The following MACF1 variants were observed in gnomAD, a reference collection of about 807,000 sequenced individuals.
MACF1 encodes microtubule actin crosslinking factor 1.
MACF1 carries 193 observed loss-of-function variants against 854.8 expected under a neutral mutation model. The observed-to-expected ratio is 0.23, with a 90% confidence interval of 0.20 to 0.25. MACF1 has a LOEUF of 0.25. Ranked by LOEUF, MACF1 falls within the 10% of genes least tolerant of loss-of-function variation. The probability of loss-of-function intolerance (pLI) is 1.00; values close to 1 mark genes in which losing one functional copy is unlikely to be tolerated. For missense variants in MACF1, 7,722 were observed against 8,929.1 expected (o/e 0.86, Z 5.45); for synonymous variants, 3,185 against 3,226.7 (o/e 0.99, Z 0.44).
At chr1:39,391,655 C>A (rs767106681) in intron 58 of MACF1, among the ~76,000 whole-genome samples, 9 of 152,176 alleles carry the variant, frequency 5.9e-5, no homozygotes, top group East Asian at 1.9e-4. Context: ...GATTTGAGGA[C>A]AAGTCATCTT....
intron 2 of MACF1, among the ~76,000 whole-genome samples, chr1:39,093,787 G>T (rs1302586442): frequency 7.0e-6 from 1 of 142,332 alleles, no homozygotes; most frequent in Non-Finnish European, 1.5e-5. Context: ...CCCGGCCAAG[G>T]GATTCTTTTC....
chr1:39,452,396 G>C (rs773845811), intron 86 of MACF1, 46 bp downstream of exon 86: 12 of 1,542,260 alleles, frequency 7.8e-6, no homozygotes, highest in Non-Finnish European at 1.1e-5. Flanking sequence ...ATCTGAGTGG[G>C]TTTATTTGGT....
intron 44 of MACF1, 78 bp downstream of exon 44, chr1:39,353,309 C>G (rs1647258725): frequency 9.0e-7 from 1 of 1,106,484 alleles, no homozygotes; most frequent in African/African-American, 1.6e-5. Context: ...CACCTTGCCC[C>G]TAAATCCAGT....
At chr1:39,137,968 G>A (rs1033439015) in intron 2 of MACF1, among the ~76,000 whole-genome samples, 5 of 151,624 alleles carry the variant, frequency 3.3e-5, no homozygotes, top group African/African-American at 1.2e-4. Flanking sequence ...CAGCTACTAG[G>A]GAGGCTGAGG....
At chr1:39,236,609 A>G (rs1274295922) in intron 2 of MACF1, among the ~76,000 whole-genome samples, 4 of 152,202 alleles carry the variant, frequency 2.6e-5, no homozygotes, top group African/African-American at 9.6e-5. Flanking sequence ...TATTGTTTAT[A>G]GTGTTAGGAC....
chr1:39,459,903 CT>C (rs1644520144), intron 91 of MACF1: 7 of 1,165,344 alleles, frequency 6.0e-6, no homozygotes, highest in Middle Eastern at 2.3e-4. Flanking sequence ...GTTCTTGGTG[CT>C]TTTTTCCCCC....
rs1331285017 is a variant in MACF1 at position 39,477,075 on chromosome 1, A to ACACACACACATATATACACTTAGTG, written c.21959-2723_21959-2722insCACACACACATATATACACTTAGTG. On this transcript the variant is annotated intron_variant, in intron 97 of 100. Coordinates refer to ENST00000564288, the MANE Select transcript of MACF1 (RefSeq NM_001394062.1). The stretch of plus-strand genomic sequence containing the variant: ...TATATATATATATATATATATATAT[A>ACACACACACATATATACACTTAGTG]TATATATATATATATACACACACAC... Among the ~76,000 whole-genome samples the ACACACACACATATATACACTTAGTG allele has an allele frequency of 1.2e-3, 59 of 51,304 alleles. 1 individual carries two copies. The highest frequency in any genetic ancestry group is 1.4e-3 in the African/African-American group (13 of 9,014). 33.7% of individuals were successfully genotyped at this position (51,304 alleles called of 152,430 possible). A position where few individuals can be genotyped will look rare whatever the true frequency, so the allele number is the denominator to read the frequency against.
chr1:39,174,441 T>C (rs1643998072), intron 2 of MACF1, among the ~76,000 whole-genome samples: 1 of 152,224 alleles, frequency 6.6e-6, no homozygotes, highest in Non-Finnish European at 1.5e-5. Flanking sequence ...TTTTTTCGAT[T>C]AGTAATTCCA....
rs1642196519 is a variant in MACF1, at chr1:39,105,243, C to A, written c.220+20805C>A. Among the ~76,000 whole-genome samples, 1 of 150,908 alleles carries A rather than the reference C, an allele frequency of 6.6e-6. No individual in the cohort carries two copies. Among genetic ancestry groups the A allele is most frequent in the Admixed American group, 6.6e-5 (1 of 15,164 alleles). On this transcript the variant is annotated intron_variant, in intron 2 of 93. Transcript: ENST00000361689. This position sits in a 1 kb window ranked among gnomAD's most constrained non-coding sequence, Gnocchi z 5.9. ...GGGCCCAGCCGGCCGCAGCCTGGGGCCGAGGACTCGCCGGGACCCGGAGGC... is the reference window on the plus strand; with the variant it reads ...GGGCCCAGCCGGCCGCAGCCTGGGGACGAGGACTCGCCGGGACCCGGAGGC...
Position 39,381,903 on chromosome 1 carries a change from C to T in MACF1, c.13649-50C>T, listed in dbSNP as rs567587859. 25 of 1,309,254 alleles carry T rather than the reference C, an allele frequency of 1.9e-5. No individual in the cohort carries two copies. The South Asian group carries it at 2.4e-4, about 12-fold the overall frequency. The allele number at this position is 1,309,254 out of a possible 1,614,324, so 81.1% of individuals were successfully genotyped here. ...TTAGGAACATAACTTAGGTACCAGG[C>T]CAGTTGTTGATAATGTAAAGGAATA... is the stretch of plus-strand genomic sequence containing the variant. On this transcript the variant is annotated intron_variant, in intron 55 of 100. Transcript: ENST00000564288.
At chr1:39,376,284 T>A (rs1164160174) in intron 52 of MACF1, among the ~76,000 whole-genome samples, 1 of 152,156 alleles carries the variant, frequency 6.6e-6, no homozygotes, top group Non-Finnish European at 1.5e-5. Flanking sequence ...TTAAACACAA[T>A]CCCTAAAGCA....
At chr1:39,163,474 G>T (rs1476021028) in intron 2 of MACF1, among the ~76,000 whole-genome samples, 1 of 151,978 alleles carries the variant, frequency 6.6e-6, no homozygotes, top group Non-Finnish European at 1.5e-5. Flanking sequence ...GAATGAAAAT[G>T]CACTACTATT....
chr1:39,360,012 A>AAAATATATAT (rs1557608845), intron 47 of MACF1, among the ~76,000 whole-genome samples: 4 of 28,828 alleles, frequency 1.4e-4, no homozygotes, highest in Non-Finnish European at 2.5e-4. Context: ...AAAAAAAAAA[A>AAAATATATAT]ATATATATAT....
intron 2 of MACF1, among the ~76,000 whole-genome samples, chr1:39,177,570 T>C (rs1644047139): frequency 6.6e-6 from 1 of 152,118 alleles, no homozygotes; most frequent in South Asian, 2.1e-4. Context: ...CATTCGTAAA[T>C]GTTATTGCTA....
intron 31 of MACF1, among the ~76,000 whole-genome samples, chr1:39,320,802 TA>T (rs34400774): frequency 3.6e-4 from 53 of 148,676 alleles, no homozygotes; most frequent in South Asian, 1.3e-3. Flanking sequence ...ATCCCATCTG[TA>T]AAAAAAAAAA....
intron 70 of MACF1, 56 bp downstream of exon 70, chr1:39,435,817 G>A (rs1359237115): frequency 6.6e-7 from 1 of 1,511,574 alleles, no homozygotes; most frequent in Non-Finnish European, 9.1e-7. Flanking sequence ...TAAACAAGAG[G>A]TCTCTGTATC....
intron 6 of MACF1, among the ~76,000 whole-genome samples, chr1:39,276,108 C>G: frequency 6.6e-6 from 1 of 151,976 alleles, no homozygotes. Context: ...TTTGTAGAGA[C>G]AATTTCTCAC....
chr1:39,445,080 C>A (rs1012495753), intron 80 of MACF1, among the ~76,000 whole-genome samples: 2 of 152,092 alleles, frequency 1.3e-5, no homozygotes, highest in African/African-American at 4.8e-5. Context: ...GCTTTATGTC[C>A]TATATTAATC....
At chr1:39,410,825 C>G (rs764833974) in intron 58 of MACF1, 1 of 1,613,994 alleles carries the variant, frequency 6.2e-7, no homozygotes, top group Admixed American at 1.7e-5. Context: ...CACAGGGAAC[C>G]TCAGTCAGAG....
Sources: allele counts gnomAD v4.1 joint callset (sites outside exome capture counted in the v4.1 genomes callset), GRCh38; gene constraint gnomAD v4.1.1; non-coding constraint Gnocchi (gnomAD v3.1); transcripts MANE v1.5; gene names NCBI Gene and HGNC (gene_info 2026-07-23, HGNC 2026-07-21).